PRDM16: variants seen among roughly 807,000 people sequenced by gnomAD.
PRDM16 encodes histone-lysine N-methyltransferase PRDM16.
Under a neutral mutation model 110.6 loss-of-function variants are expected in PRDM16, and 23 were observed. That is an observed-to-expected ratio of 0.21 (90% CI 0.15 to 0.29). The LOEUF (loss-of-function observed/expected upper bound fraction) is 0.29, where lower values mean the gene tolerates loss of function less well. Ranked by LOEUF, PRDM16 falls within the 10% of genes least tolerant of loss-of-function variation. The pLI is 1.00. For synonymous variants in PRDM16, 799 were observed against 781.8 expected (o/e 1.02, Z -0.37); for missense variants, 1,615 against 1,794.3 (o/e 0.90, Z 1.81).
At chr1:3,109,746 T>C (rs1341935624) in intron 1 of PRDM16, among the ~76,000 whole-genome samples, 3 of 152,154 alleles carry the variant, frequency 2.0e-5, no homozygotes, top group Non-Finnish European at 2.9e-5. Flanking sequence ...AGTATGGGAG[T>C]TATTACGGGG....
At chr1:3,295,485 G>A (rs1191695136) in intron 3 of PRDM16, among the ~76,000 whole-genome samples, 1 of 152,186 alleles carries the variant, frequency 6.6e-6, no homozygotes, top group Non-Finnish European at 1.5e-5. Flanking sequence ...GCACCAGCGT[G>A]TGGGGGCTGG....
chr1:3,381,393 T>G (rs1202406442), intron 3 of PRDM16, among the ~76,000 whole-genome samples: 1 of 151,176 alleles, frequency 6.6e-6, no homozygotes, highest in Non-Finnish European at 1.5e-5. Flanking sequence ...ACTCTTGTTT[T>G]TTTCTGGTTT....
intron 12 of PRDM16, among the ~76,000 whole-genome samples, chr1:3,422,903 G>A (rs967194637): frequency 2.6e-5 from 4 of 152,232 alleles, no homozygotes; most frequent in Admixed American, 6.5e-5. Flanking sequence ...CAGCTGACCC[G>A]GGCAGGAGCA....
At chr1:3,269,655 G>GCCC (rs1640386018) in intron 3 of PRDM16, among the ~76,000 whole-genome samples, 2 of 102,768 alleles carry the variant, frequency 1.9e-5, no homozygotes, top group African/African-American at 1.3e-4. Context: ...GAGGACAGTT[G>GCCC]GGAGGAGGAC....
Position 3,380,639 on chromosome 1 carries a change from C to T in PRDM16, c.439-4513C>T, listed in dbSNP as rs1229432650. ...CTGTCCCATGTGGGTGAGAAACCAG[C>T]CGTGTCCCTGTTCAGACACGCTTGA... On this transcript the variant is annotated intron_variant, in intron 3 of 16. Transcript: ENST00000270722. Among the ~76,000 whole-genome samples the T allele has an allele frequency of 2.6e-5, 4 of 152,170 alleles. No individual in the cohort carries two copies. The East Asian group carries it at 7.7e-4, about 29-fold the overall frequency.
At chr1:3,072,040 G>T (rs930935642) in intron 1 of PRDM16, among the ~76,000 whole-genome samples, 5 of 152,172 alleles carry the variant, frequency 3.3e-5, no homozygotes, top group Non-Finnish European at 7.4e-5. Context: ...CACCCAAGCC[G>T]GGGCTGTGGC....
intron 10 of PRDM16, 22 bp from the exon 11 acceptor site, chr1:3,417,806 C>A (rs1308325742): frequency 1.9e-6 from 3 of 1,611,542 alleles, no homozygotes; most frequent in Admixed American, 3.3e-5. Context: ...GAGTCCATAA[C>A]CTCCCACTCT....
chr1:3,165,595 G>C (rs1643944734), intron 1 of PRDM16, among the ~76,000 whole-genome samples: 2 of 123,350 alleles, frequency 1.6e-5, no homozygotes. Flanking sequence ...CTGGGCCCAG[G>C]GACAGGGACT....
intron 8 of PRDM16, among the ~76,000 whole-genome samples, chr1:3,408,745 C>T (rs1643608659): frequency 7.6e-6 from 1 of 131,032 alleles, no homozygotes; most frequent in South Asian, 2.6e-4. Flanking sequence ...TGAGCCGGTG[C>T]ATGTGTTGGC....
At chr1:3,219,521 G>A (rs1423328303) in intron 2 of PRDM16, among the ~76,000 whole-genome samples, 3 of 152,320 alleles carry the variant, frequency 2.0e-5, no homozygotes, top group South Asian at 2.1e-4. Flanking sequence ...GCAGGCCCTC[G>A]GTAGGGCAGT....
intron 3 of PRDM16, among the ~76,000 whole-genome samples, chr1:3,326,020 TC>T (rs1191770751): frequency 4.0e-5 from 4 of 100,778 alleles, no homozygotes; most frequent in African/African-American, 2.1e-4. Flanking sequence ...TCCTCGACCA[TC>T]CTTGGCCCTC....
intron 1 of PRDM16, among the ~76,000 whole-genome samples, chr1:3,142,291 C>A (rs934231854): frequency 2.0e-5 from 3 of 152,228 alleles, no homozygotes; most frequent in Non-Finnish European, 4.4e-5. Context: ...TTTGCAAAAT[C>A]GAGTGAAAAC....
chr1:3,194,216 GGTT>G (rs1294344991), intron 2 of PRDM16, among the ~76,000 whole-genome samples: 1 of 152,204 alleles, frequency 6.6e-6, no homozygotes, highest in Non-Finnish European at 1.5e-5. Flanking sequence ...TATTTAGGAT[GGTT>G]GTTGAGGGCA....
intron 1 of PRDM16, among the ~76,000 whole-genome samples, chr1:3,169,737 C>A (rs77846248): frequency 0.048 from 7,257 of 152,346 alleles, 211 homozygotes; most frequent in Admixed American, 0.07. Context: ...TGTACGCCAT[C>A]AGGATCTTGA....
rs546754626 is a variant in PRDM16 at position 3,213,233 on chromosome 1, G to C, written c.387+26759G>C. Among the ~76,000 whole-genome samples, 8 of 152,202 alleles carry C rather than the reference G, an allele frequency of 5.3e-5. No homozygotes were observed. The highest frequency in any genetic ancestry group is 1.2e-4 in the Non-Finnish European group (8 of 68,044). ...AAACACCACCCATTCCGTGGTGAGG[G>C]GGGAAATGGAGAAGAAACCACCTTC... is the stretch of plus-strand genomic sequence containing the variant. On this transcript the variant is annotated intron_variant, in intron 2 of 16. Transcript: ENST00000270722. The surrounding 1 kb of genome is among the most constrained non-coding windows in gnomAD (Gnocchi z 5.3).
chr1:3,193,220 T>C (rs1351181150), intron 2 of PRDM16, among the ~76,000 whole-genome samples: 12 of 152,228 alleles, frequency 7.9e-5, no homozygotes, highest in Non-Finnish European at 1.8e-4. Flanking sequence ...TCCCTGACGC[T>C]GTGGAAGGAT....
chr1:3,204,691 C>T (rs914074226), intron 2 of PRDM16, among the ~76,000 whole-genome samples: 2 of 152,262 alleles, frequency 1.3e-5, no homozygotes, highest in East Asian at 1.9e-4. Context: ...TTTGCGTGTA[C>T]GTAGACGTGT....
intron 1 of PRDM16, among the ~76,000 whole-genome samples, chr1:3,152,558 T>G (rs970501523): frequency 1.3e-5 from 2 of 152,208 alleles, no homozygotes; most frequent in Admixed American, 1.3e-4. Flanking sequence ...TTCTGACCTC[T>G]TTTATAGAGA....
At chr1:3,247,359 T>C (rs1422063230) in intron 3 of PRDM16, among the ~76,000 whole-genome samples, 2 of 152,212 alleles carry the variant, frequency 1.3e-5, no homozygotes, top group Non-Finnish European at 2.9e-5. Context: ...GAGAGTGAGG[T>C]TTCTGAAGAG....
Sources: gnomAD v4.1 joint callset for allele counts (sites outside exome capture counted in the v4.1 genomes callset) on GRCh38, gnomAD v4.1.1 for gene constraint, Gnocchi (gnomAD v3.1) non-coding constraint, MANE v1.5 for transcripts, NCBI Gene and HGNC (gene_info 2026-07-23, HGNC 2026-07-21) for gene names.